Variants in CASZ1 observed in about 807,000 individuals in gnomAD.
CASZ1 encodes the protein zinc finger protein castor homolog 1.
CASZ1 carries 28 observed loss-of-function variants against 135.2 expected under a neutral mutation model. That is an observed-to-expected ratio of 0.21 (90% CI 0.15 to 0.28). CASZ1 has a LOEUF of 0.28. CASZ1 is among the 10% of genes least tolerant of loss of function. The pLI, the probability that CASZ1 is intolerant of heterozygous loss-of-function variation, is 1.00. For synonymous variants in CASZ1, 1,068 were observed against 1,073.4 expected, an observed-to-expected ratio of 0.99 and a Z score of 0.10; for missense variants, 2,161 against 2,453.3, an observed-to-expected ratio of 0.88 and a Z score of 2.52.
Position 10,643,287 on chromosome 1 carries a change from C to G in CASZ1, c.3893G>C (p.Ser1298Thr). ...GCCCTCCCGGATGCAGTGGAAGTGGCTGTTCACCTGGTTGTACTTGCAACC... is the reference window on the plus strand; with the variant it reads ...GCCCTCCCGGATGCAGTGGAAGTGGGTGTTCACCTGGTTGTACTTGCAACC... The part of the protein sequence containing the change: ...RLGCKYNQVN[S>T]HFHCIREGCQ... The change falls in exon 19 of 21, where the codon AGC becomes ACC. Residue 1298 changes from serine to threonine, a missense_variant. By Grantham distance (58) the Ser-to-Thr change is moderately conservative. Around this residue, in one of 7 missense-constraint regions of CASZ1, gnomAD observed 349 missense variants for 460.8 expected, o/e 0.76. Transcript: ENST00000377022. 1 of 1,612,936 alleles carries G rather than the reference C, an allele frequency of 6.2e-7. No individual in the cohort carries two copies. Among genetic ancestry groups the G allele is most frequent in the Admixed American group, 1.7e-5 (1 of 60,014 alleles).
Position 10,653,672 on chromosome 1 carries a change from C to T in CASZ1, c.2385G>A (p.Leu795=). 6.4e-7 allele frequency: 1 copy of T among 1,558,918 alleles called. No homozygotes were observed. The change falls in exon 11 of 21, where the codon CTG becomes CTA. Residue 795 remains leucine (L), a synonymous_variant. Transcript: ENST00000377022. ...TGGGGAAGTAGGGCGTGGGGGTGGG[C>T]AGGCCCGAGTTGGAGAGGGCCAGGG... is the stretch of plus-strand genomic sequence containing the variant. The part of the protein sequence containing the change: ...PLALALSNSG[L]PTPTPYFPIL...
At chr1:10,763,191 G>A (rs554388570) in intron 1 of CASZ1, among the ~76,000 whole-genome samples, 1 of 152,346 alleles carries the variant, frequency 6.6e-6, no homozygotes, top group South Asian at 2.1e-4. Flanking sequence ...GGGGGCCATG[G>A]ATCCCGGTCA....
In CASZ1 at chr1:10,767,837, T is replaced by C. The variant is rs1406562578; in HGVS notation, c.-233-6980A>G. The stretch of plus-strand genomic sequence containing the variant: ...CGGGGATCACTTCCCTCGCTGGCCC[T>C]GTCCACAGCCCTCGGCCCATGAGGA... On this transcript the variant is annotated intron_variant, in intron 1 of 20. Coordinates refer to ENST00000377022, the MANE Select transcript of CASZ1 (RefSeq NM_001079843.3). The surrounding 1 kb of genome is among the most constrained non-coding windows in gnomAD (Gnocchi z 4.2). Among the ~76,000 whole-genome samples the C allele has an allele frequency of 6.6e-6, 1 of 152,138 alleles. No individual in the cohort carries two copies. The highest frequency in any genetic ancestry group is 1.9e-4 in the East Asian group (1 of 5,190).
chr1:10,685,281 G>A (rs1347890570), intron 4 of CASZ1, among the ~76,000 whole-genome samples: 2 of 152,202 alleles, frequency 1.3e-5, no homozygotes, highest in Non-Finnish European at 2.9e-5. Flanking sequence ...GAAGTGGGGG[G>A]CACACTGTCA....
rs1023439614 is a variant in CASZ1, at chr1:10,719,130, C to T, written c.-76-13586G>A. On this transcript the variant is annotated intron_variant, in intron 2 of 20. Transcript: ENST00000377022. The surrounding 1 kb of genome is among the most constrained non-coding windows in gnomAD (Gnocchi z 4.0). ...GGGGTTTCCAACCATGTTGGCCAGA[C>T]TAGTCTCGAACTCCTGACCTCAAGC... 2.0e-5 allele frequency among the ~76,000 whole-genome samples: 3 copies of T among 152,090 alleles called. No individual in the cohort carries two copies. The highest frequency in any genetic ancestry group is 2.9e-5 in the Non-Finnish European group (2 of 68,012).
rs780607111 is a variant in CASZ1 at position 10,721,761 on chromosome 1, G to A, written c.-76-16217C>T. 1.3e-5 allele frequency among the ~76,000 whole-genome samples: 2 copies of A among 152,232 alleles called. No homozygotes were observed. Among genetic ancestry groups the A allele is most frequent in the Non-Finnish European group, 2.9e-5 (2 of 68,032 alleles). Reference sequence around the variant, plus strand: ...CCTCTATCGGATCTGGCAGGCCTGGGGAGGCCTCAGGCAGCTTCAGCCCAG... The same window carrying A: ...CCTCTATCGGATCTGGCAGGCCTGGAGAGGCCTCAGGCAGCTTCAGCCCAG... On this transcript the variant is annotated intron_variant, in intron 2 of 20. Coordinates refer to ENST00000377022, the MANE Select transcript of CASZ1 (RefSeq NM_001079843.3). This position sits in a 1 kb window ranked among gnomAD's most constrained non-coding sequence, Gnocchi z 5.4.
intron 1 of CASZ1, among the ~76,000 whole-genome samples, chr1:10,781,558 G>A (rs1033078974): frequency 5.3e-5 from 8 of 152,226 alleles, no homozygotes; most frequent in Non-Finnish European, 1.0e-4. Flanking sequence ...GGGCGGACAC[G>A]TTTGCCTTGC....
chr1:10,676,548 A>G lies in CASZ1; in HGVS notation c.17-10977T>C, dbSNP rs958880765. On this transcript the variant is annotated intron_variant, in intron 4 of 20. Transcript: ENST00000377022. The surrounding 1 kb of genome is among the most constrained non-coding windows in gnomAD (Gnocchi z 4.5). ...AGGGGCTCTCCTCCTGGGCTCCTCC[A>G]TCTCTCTCTGTGCCTCTCCATCTCT... Among the ~76,000 whole-genome samples the G allele has an allele frequency of 3.3e-5, 5 of 150,706 alleles. No homozygotes were observed. Among genetic ancestry groups the G allele is most frequent in the Admixed American group, 1.3e-4 (2 of 15,170 alleles).
chr1:10,765,060 G>C (rs1029709891), intron 1 of CASZ1, among the ~76,000 whole-genome samples: 4 of 152,102 alleles, frequency 2.6e-5, no homozygotes, highest in Non-Finnish European at 5.9e-5. Context: ...GGGGGCGTGG[G>C]GCAGGGATTT....
chr1:10,680,455 G>A (rs1432910825), intron 4 of CASZ1, among the ~76,000 whole-genome samples: 1 of 152,200 alleles, frequency 6.6e-6, no homozygotes, highest in Non-Finnish European at 1.5e-5. Flanking sequence ...GCTTGGTTGA[G>A]TTTCTCAAAT....
At position 10,776,963 on chromosome 1, in the gene CASZ1, A is replaced by G. The variant is rs1640673311; in HGVS notation, c.-233-16106T>C. 1.3e-5 allele frequency among the ~76,000 whole-genome samples: 2 copies of G among 152,114 alleles called. No individual in the cohort carries two copies. The highest frequency in any genetic ancestry group is 6.5e-5 in the Admixed American group (1 of 15,280). On this transcript the variant is annotated intron_variant, in intron 1 of 20. Transcript: ENST00000377022. The surrounding 1 kb of genome is among the most constrained non-coding windows in gnomAD (Gnocchi z 4.1). Reference sequence around the variant, plus strand: ...TAGGAGGGTCCCTTTACTTCCTGCAACTGGAGGAAGCATCATTCCATGTCT... The same window carrying G: ...TAGGAGGGTCCCTTTACTTCCTGCAGCTGGAGGAAGCATCATTCCATGTCT...
intron 1 of CASZ1, among the ~76,000 whole-genome samples, chr1:10,783,740 C>T (rs577179692): frequency 5.2e-4 from 79 of 151,862 alleles, no homozygotes; most frequent in South Asian, 2.7e-3. Flanking sequence ...GGCGTGGTGA[C>T]GCACGCCTGT....
rs749077050 is a variant in CASZ1 at position 10,639,050 on chromosome 1, G to C, written c.5172C>G (p.Pro1724=). Residue 1724 remains proline (P), a synonymous_variant, in exon 21 of 21, where the codon CCC becomes CCG. Coordinates refer to ENST00000377022, the MANE Select transcript of CASZ1 (RefSeq NM_001079843.3). This position sits in a 1 kb window ranked among gnomAD's most constrained non-coding sequence, Gnocchi z 4.0. ...DLRTDSEESL[P]EAAAEAAGAG... ...CGCCCGCCGCCTCCGCCGCCGCCTCGGGCAGCGACTCCTCCGAGTCGGTGC... is the reference window on the plus strand; with the variant it reads ...CGCCCGCCGCCTCCGCCGCCGCCTCCGGCAGCGACTCCTCCGAGTCGGTGC... 1.3e-4 allele frequency: 139 copies of C among 1,069,590 alleles called. No homozygotes were observed. The highest frequency in any genetic ancestry group is 1.6e-4 in the Non-Finnish European group (135 of 868,750). The allele number at this position is 1,069,590 out of a possible 1,614,324, so 66.3% of individuals were successfully genotyped here.
rs1640678445 is a variant in CASZ1, at chr1:10,777,287, T to C, written c.-233-16430A>G. ...GAGGACAGGACAAGGACCGCAGGGT[T>C]GGGACCCCTATGAGGACCACGGAGA... On this transcript the variant is annotated intron_variant, in intron 1 of 20. Transcript: ENST00000377022. This position sits in a 1 kb window ranked among gnomAD's most constrained non-coding sequence, Gnocchi z 4.4. 6.6e-6 allele frequency among the ~76,000 whole-genome samples: 1 copy of C among 152,160 alleles called. No homozygotes were observed. Among genetic ancestry groups the C allele is most frequent in the South Asian group, 2.1e-4 (1 of 4,824 alleles).
chr1:10,788,591 G>A lies in CASZ1; in HGVS notation c.-234+7973C>T, dbSNP rs1034979804. Among the ~76,000 whole-genome samples the A allele has an allele frequency of 5.3e-5, 8 of 152,220 alleles. No homozygotes were observed. Among genetic ancestry groups the A allele is most frequent in the African/African-American group, 9.7e-5 (4 of 41,448 alleles). On this transcript the variant is annotated intron_variant, in intron 1 of 20. Transcript: ENST00000377022. This position sits in a 1 kb window ranked among gnomAD's most constrained non-coding sequence, Gnocchi z 4.1. ...AAGCACAGCCCAGAGACTGCCCGCC[G>A]TCAAACCAAGGCTCAGCAGTGCCTC...
At chr1:10,758,477 A>G (rs1237003453) in intron 2 of CASZ1, among the ~76,000 whole-genome samples, 1 of 151,982 alleles carries the variant, frequency 6.6e-6, no homozygotes, top group Non-Finnish European at 1.5e-5. Flanking sequence ...GATTACAGGC[A>G]TGCACCACTA....
At chr1:10,763,709 T>A (rs997323174) in intron 1 of CASZ1, among the ~76,000 whole-genome samples, 1 of 152,190 alleles carries the variant, frequency 6.6e-6, no homozygotes, top group African/African-American at 2.4e-5. Flanking sequence ...CGGGTCCTAA[T>A]GATCTGCGCG....
At chr1:10,731,413 T>G (rs1171575609) in intron 2 of CASZ1, among the ~76,000 whole-genome samples, 1 of 151,782 alleles carries the variant, frequency 6.6e-6, no homozygotes, top group Non-Finnish European at 1.5e-5. Context: ...TGAGACCTTA[T>G]CTCTACTAAA....
intron 2 of CASZ1, among the ~76,000 whole-genome samples, chr1:10,736,241 T>C (rs965723988): frequency 2.6e-5 from 4 of 152,322 alleles, no homozygotes; most frequent in Admixed American, 6.5e-5. Context: ...GAATCGCACC[T>C]GCCTCCCTCA....
Sources: allele counts gnomAD v4.1 joint callset (sites outside exome capture counted in the v4.1 genomes callset), GRCh38; gene constraint gnomAD v4.1.1; regional missense constraint gnomAD v4.1.1; non-coding constraint Gnocchi (gnomAD v3.1); transcripts MANE v1.5; gene names NCBI Gene and HGNC (gene_info 2026-07-23, HGNC 2026-07-21).